Variants in AKAP9 observed in about 807,000 individuals in gnomAD.
AKAP9 encodes the protein A-kinase anchoring protein 9, also known as A-kinase anchor protein 9.
Under a neutral mutation model 488.5 loss-of-function variants are expected in AKAP9, and 311 were observed. That is an observed-to-expected ratio of 0.64 (90% CI 0.58 to 0.70). The LOEUF is 0.70. Among genes scored for constraint, AKAP9 ranks in the 30% least tolerant of loss-of-function variants. The pLI, the probability that AKAP9 is intolerant of heterozygous loss-of-function variation, is 0.00. For missense variants in AKAP9, 4,215 were observed against 4,374.5 expected, an observed-to-expected ratio of 0.96 and a Z score of 1.03; for synonymous variants, 1,462 against 1,483.5, an observed-to-expected ratio of 0.99 and a Z score of 0.33.
chr7:92,032,080 A>G (rs927536363), intron 16 of AKAP9, among the ~76,000 whole-genome samples: 1 of 152,224 alleles, frequency 6.6e-6, no homozygotes, highest in Non-Finnish European at 1.5e-5. Context: ...TCATCTCTGT[A>G]TGCTTATCCA....
intron 21 of AKAP9, among the ~76,000 whole-genome samples, chr7:92,047,890 C>T (rs1293346898): frequency 6.6e-6 from 1 of 152,158 alleles, no homozygotes; most frequent in Non-Finnish European, 1.5e-5. Context: ...CTCCATCTTA[C>T]TGTTTTTATG....
At chr7:91,949,921 G>C (rs986191789) in intron 1 of AKAP9, among the ~76,000 whole-genome samples, 2 of 151,956 alleles carry the variant, frequency 1.3e-5, no homozygotes, top group African/African-American at 4.8e-5. Flanking sequence ...ATTTTTGTGT[G>C]GTGTGAAAGT....
rs753937989 is a variant in AKAP9, at chr7:92,100,844, T to C, written c.10897-12T>C. Reference sequence around the variant, plus strand: ...TTCAGAGACTTGTGTAAGTAGGCTGTGGTCTTTGCAGTCTTCCAGGTTTTC... The same window carrying C: ...TTCAGAGACTTGTGTAAGTAGGCTGCGGTCTTTGCAGTCTTCCAGGTTTTC... On this transcript the variant is annotated splice_polypyrimidine_tract_variant and intron_variant, in intron 44 of 49. Coordinates refer to ENST00000356239, the MANE Select transcript of AKAP9 (RefSeq NM_005751.5). 56 of 1,614,002 alleles carry C rather than the reference T, an allele frequency of 3.5e-5. No homozygotes were observed. Among genetic ancestry groups the C allele is most frequent in the Non-Finnish European group, 4.2e-5 (50 of 1,179,978 alleles).
chr7:91,954,188 A>C (rs1792649007), intron 1 of AKAP9, among the ~76,000 whole-genome samples: 1 of 152,160 alleles, frequency 6.6e-6, no homozygotes, highest in South Asian at 2.1e-4. Context: ...TTTGTAGATC[A>C]GCTTCCTTGC....
At chr7:92,076,462 A>G (rs1037722412) in intron 28 of AKAP9, among the ~76,000 whole-genome samples, 3 of 152,258 alleles carry the variant, frequency 2.0e-5, no homozygotes, top group African/African-American at 4.8e-5. Context: ...GGTGGCTAAC[A>G]AAACAAACAG....
chr7:92,024,278 G>T (rs1258754501), intron 14 of AKAP9, among the ~76,000 whole-genome samples: 1 of 151,456 alleles, frequency 6.6e-6, no homozygotes, highest in African/African-American at 2.4e-5. Context: ...CGGGCATGGT[G>T]GCATGCACCT....
intron 28 of AKAP9, among the ~76,000 whole-genome samples, chr7:92,076,382 A>G (rs10243241): frequency 0.4 from 61,338 of 152,056 alleles, 12,707 homozygotes; most frequent in African/African-American, 0.47. Flanking sequence ...TGCTTAACAA[A>G]CCACATGGCA....
Position 92,044,988 on chromosome 7 carries a change from G to A in AKAP9, c.5163-20G>A, listed in dbSNP as rs9785013. 0.4 allele frequency: 625,112 copies of A among 1,570,554 alleles called. 128,766 individuals are homozygous for A. The highest frequency in any genetic ancestry group is 0.65 in the African/African-American group (47,994 of 73,978). On this transcript the variant is annotated intron_variant, in intron 20 of 49. Transcript: ENST00000356239. The stretch of plus-strand genomic sequence containing the variant: ...TCAAAAATATTAAACATTTTAATCA[G>A]TGCTTCTTTATCTATACAGGTATGC...
At position 92,076,539 on chromosome 7, in the gene AKAP9, A is replaced by T. The variant is rs559269192; in HGVS notation, c.6613-316A>T. Reference sequence around the variant, plus strand: ...ACATAAACTAAGATTTAATATGTGGACTCTTTCCCTTCCTCCTATGACTCT... The same window carrying T: ...ACATAAACTAAGATTTAATATGTGGTCTCTTTCCCTTCCTCCTATGACTCT... On this transcript the variant is annotated intron_variant, in intron 28 of 49. Coordinates refer to ENST00000356239, the MANE Select transcript of AKAP9 (RefSeq NM_005751.5). Among the ~76,000 whole-genome samples the T allele has an allele frequency of 2.0e-5, 3 of 152,218 alleles. No individual in the cohort carries two copies. In the East Asian group the frequency reaches 5.8e-4, roughly 29 times the overall value.
Position 92,098,234 on chromosome 7 carries a change from A to G in AKAP9, c.10713+20A>G. ...GAAGAGGTAATACTTTTTAAAAGTT[A>G]TTTCTGAAGCATTGAGAGCAAAGAT... On this transcript the variant is annotated intron_variant, in intron 43 of 49. Transcript: ENST00000356239. 2 of 1,463,092 alleles carry G rather than the reference A, an allele frequency of 1.4e-6. No individual in the cohort carries two copies. Among genetic ancestry groups the G allele is most frequent in the Non-Finnish European group, 9.6e-7 (1 of 1,045,322 alleles). 90.6% of individuals were successfully genotyped at this position (1,463,092 alleles called of 1,614,324 possible).
At chr7:92,052,330 T>C (rs1333549141) in intron 21 of AKAP9, among the ~76,000 whole-genome samples, 1 of 152,184 alleles carries the variant, frequency 6.6e-6, no homozygotes, top group African/African-American at 2.4e-5. Flanking sequence ...CTTGTGATTG[T>C]TTATGTGTTT....
Position 92,002,210 on chromosome 7 carries a change from G to T in AKAP9, c.2293G>T (p.Asp765Tyr). ...LEKQMKEKEN[D>Y]LQEKFAQLEA... is the part of the protein sequence containing the mutation. ...AAAACAGATGAAGGAAAAAGAGAAT[G>T]ATCTTCAAGAAAAATTTGCACAACT... The change falls in exon 8 of 50, where the codon GAT (aspartate) becomes TAT (tyrosine). Residue 765 changes from aspartate to tyrosine, a missense_variant. Around this residue, in one of 5 missense-constraint regions of AKAP9, gnomAD observed 2,361 missense variants for 2,430.0 expected, o/e 0.97. Coordinates refer to ENST00000356239, the MANE Select transcript of AKAP9 (RefSeq NM_005751.5). 1 of 1,590,770 alleles carries T rather than the reference G, an allele frequency of 6.3e-7. No individual in the cohort carries two copies. The highest frequency in any genetic ancestry group is 1.2e-5 in the South Asian group (1 of 84,818).
intron 9 of AKAP9, among the ~76,000 whole-genome samples, chr7:92,013,883 A>G (rs1326384639): frequency 6.6e-6 from 1 of 151,944 alleles, no homozygotes; most frequent in Non-Finnish European, 1.5e-5. Context: ...ATTTTTAAAA[A>G]AAAAAACAAA....
chr7:92,073,515 A>C (rs1812081884), intron 28 of AKAP9, among the ~76,000 whole-genome samples: 1 of 152,062 alleles, frequency 6.6e-6, no homozygotes, highest in South Asian at 2.1e-4. Flanking sequence ...CAAAAAAAAA[A>C]GAAAACAAAA....
chr7:92,107,671 G>A (rs888967492), intron 48 of AKAP9: 6 of 384,360 alleles, frequency 1.6e-5, no homozygotes, highest in Non-Finnish European at 2.4e-5. Context: ...CCAACATGGT[G>A]AAACCCTGTC....
At chr7:92,016,709 A>T (rs1801558650) in intron 11 of AKAP9, among the ~76,000 whole-genome samples, 1 of 152,108 alleles carries the variant, frequency 6.6e-6, no homozygotes, top group Non-Finnish European at 1.5e-5. Context: ...AAATAGTAAC[A>T]TCACCACTTT....
Position 92,016,196 on chromosome 7 carries a change from A to G in AKAP9, c.3680A>G (p.Lys1227Arg). 6.3e-7 allele frequency: 1 copy of G among 1,588,418 alleles called. No individual in the cohort carries two copies. The highest frequency in any genetic ancestry group is 8.6e-7 in the Non-Finnish European group (1 of 1,157,686). Residue 1227 changes from lysine to arginine, a missense_variant, in exon 11 of 50, where the codon AAA becomes AGA. Lys to Arg is a conservative substitution (Grantham distance 26). Around this residue, in one of 5 missense-constraint regions of AKAP9, gnomAD observed 2,361 missense variants for 2,430.0 expected, o/e 0.97. Coordinates refer to ENST00000356239, the MANE Select transcript of AKAP9 (RefSeq NM_005751.5). ...AAATGTGAAGTAAATGCAGAAGACA[A>G]AGAGAATTCTGGTGATTACATTTCT... ...ALKCEVNAED[K>R]ENSGDYISEN...
chr7:91,995,169 T>G (rs1296504826), intron 6 of AKAP9, among the ~76,000 whole-genome samples: 3 of 152,208 alleles, frequency 2.0e-5, no homozygotes, highest in Non-Finnish European at 2.9e-5. Context: ...GGAATCTAAC[T>G]GCATTAATCA....
chr7:91,954,903 G>A (rs1459815912), intron 1 of AKAP9, among the ~76,000 whole-genome samples: 2 of 152,150 alleles, frequency 1.3e-5, no homozygotes, highest in African/African-American at 2.4e-5. Context: ...ATGATTCAAT[G>A]CCAGAAGGAA....
Sources: allele counts gnomAD v4.1 joint callset (sites outside exome capture counted in the v4.1 genomes callset), GRCh38; gene constraint gnomAD v4.1.1; regional missense constraint gnomAD v4.1.1; transcripts MANE v1.5; gene names NCBI Gene and HGNC (gene_info 2026-07-23, HGNC 2026-07-21).